GPR180: variants seen among roughly 807,000 people sequenced by gnomAD.
GPR180 encodes G protein-coupled receptor 180, also known as integral membrane protein GPR180.
GPR180 carries 53 observed loss-of-function variants against 52.6 expected under a neutral mutation model. The observed-to-expected ratio is 1.01, with a 90% confidence interval of 0.81 to 1.27. The LOEUF (loss-of-function observed/expected upper bound fraction) is 1.27. Among genes scored for constraint, GPR180 ranks in the 50% most tolerant of loss-of-function variants. The pLI is 0.00. For missense variants in GPR180, 533 were observed against 527.0 expected, an observed-to-expected ratio of 1.01 and a Z score of -0.11; for synonymous variants, 200 against 193.1, an observed-to-expected ratio of 1.04 and a Z score of -0.30.
chr13:94,627,013 G>T lies in GPR180; in HGVS notation c.1165G>T (p.Val389Phe). Reference sequence around the variant, plus strand: ...AGCATTCCTTTCCTTTTCTTTTCAGGTTATTACAATAGGTGTTATCCTTTG... The same window carrying T: ...AGCATTCCTTTCCTTTTCTTTTCAGTTTATTACAATAGGTGTTATCCTTTG... ...VIFSDYQRDK[V>F]ITIGVILCQS... The change falls in exon 9 of 9, where the codon GTT becomes TTT. Residue 389 changes from valine to phenylalanine, a missense_variant and splice_region_variant. Val to Phe is a conservative substitution (Grantham distance 50). Coordinates refer to ENST00000376958, the MANE Select transcript of GPR180 (RefSeq NM_180989.6). 6.3e-7 allele frequency: 1 copy of T among 1,580,624 alleles called. No homozygotes were observed.
intron 3 of GPR180, among the ~76,000 whole-genome samples, chr13:94,615,648 G>A (rs1889767697): frequency 6.6e-6 from 1 of 152,146 alleles, no homozygotes; most frequent in Admixed American, 6.5e-5. Flanking sequence ...TAGAATCCTT[G>A]TTAACTGTAT....
intron 5 of GPR180, 22 bp from the exon 6 acceptor site, chr13:94,621,056 G>A (rs377151112): frequency 1.5e-5 from 24 of 1,579,600 alleles, no homozygotes; most frequent in Middle Eastern, 1.8e-4. Context: ...CTTGGTTGAC[G>A]TTGGTTTTCA....
chr13:94,615,677 C>T (rs1005808214), intron 3 of GPR180, among the ~76,000 whole-genome samples: 1 of 152,146 alleles, frequency 6.6e-6, no homozygotes, highest in African/African-American at 2.4e-5. Flanking sequence ...TAATTAGAGA[C>T]CAAGAAGTAC....
chr13:94,608,692 A>G (rs1889664520), intron 2 of GPR180, among the ~76,000 whole-genome samples: 2 of 152,190 alleles, frequency 1.3e-5, no homozygotes, highest in Admixed American at 1.3e-4. Flanking sequence ...CACATATTTA[A>G]GAATAGTTCC....
At position 94,614,224 on chromosome 13, in the gene GPR180, G is replaced by T. The variant is rs375318221; in HGVS notation, c.505+1834G>T. On this transcript the variant is annotated intron_variant, in intron 3 of 8. Transcript: ENST00000376958. ...TATTTCATATGACCCTTATTTTTAGGACTGGTCAAGGCTCACTAGGAAGTA... is the reference window on the plus strand; with the variant it reads ...TATTTCATATGACCCTTATTTTTAGTACTGGTCAAGGCTCACTAGGAAGTA... Among the ~76,000 whole-genome samples the T allele has an allele frequency of 9.9e-5, 15 of 152,252 alleles. No homozygotes were observed. In the South Asian group the frequency reaches 2.9e-3, roughly 29 times the overall value.
intron 3 of GPR180, among the ~76,000 whole-genome samples, chr13:94,617,573 A>T (rs1318740714): frequency 1.3e-5 from 2 of 152,238 alleles, no homozygotes; most frequent in Non-Finnish European, 2.9e-5. Flanking sequence ...ATAGAGCAGG[A>T]GAGACACCCA....
At chr13:94,613,380 G>A (rs552042240) in intron 3 of GPR180, among the ~76,000 whole-genome samples, 180 of 152,270 alleles carry the variant, frequency 1.2e-3, no homozygotes, top group African/African-American at 4.3e-3. Context: ...AATGTTTTAA[G>A]GGATAAACTT....
At chr13:94,624,702 C>T (rs1011034799) in intron 7 of GPR180, among the ~76,000 whole-genome samples, 1 of 152,074 alleles carries the variant, frequency 6.6e-6, no homozygotes, top group African/African-American at 2.4e-5. Context: ...GCGCCCACGC[C>T]CGGCTAAGTT....
chr13:94,617,332 C>G (rs1051763128), intron 3 of GPR180, among the ~76,000 whole-genome samples: 2 of 152,082 alleles, frequency 1.3e-5, no homozygotes, highest in Non-Finnish European at 2.9e-5. Flanking sequence ...CACAGGATAG[C>G]ATAAGGAACT....
At chr13:94,619,410 G>C in intron 4 of GPR180, 58 bp from the exon 5 acceptor site, 1 of 1,601,350 alleles carries the variant, frequency 6.2e-7, no homozygotes, top group Non-Finnish European at 8.5e-7. Context: ...TGCTTGCTTT[G>C]ATTATAAACA....
In GPR180 at chr13:94,629,468, C is replaced by T. The variant is rs1215221398; in HGVS notation, c.*2297C>T. The T allele has an allele frequency of 1.3e-5, 2 of 151,888 alleles. No individual in the cohort carries two copies. Among genetic ancestry groups the T allele is most frequent in the African/African-American group, 4.8e-5 (2 of 41,332 alleles). 9.4% of individuals were successfully genotyped at this position (151,888 alleles called of 1,614,324 possible). On this transcript the variant is annotated 3_prime_UTR_variant, in exon 9 of 9. Transcript: ENST00000376958. ...TGATGCATTTTACCAGGCATTTTAC[C>T]TTCATTATTACTCATCTCTATTGTG...
At position 94,601,936 on chromosome 13, in the gene GPR180, G is replaced by A. The variant is rs961691083; in HGVS notation, c.9G>A (p.Gly3=). 4 of 1,493,642 alleles carry A rather than the reference G, an allele frequency of 2.7e-6. No homozygotes were observed. The highest frequency in any genetic ancestry group is 1.4e-5 in the African/African-American group (1 of 69,204). 92.5% of individuals were successfully genotyped at this position (1,493,642 alleles called of 1,614,324 possible). Reference sequence around the variant, plus strand: ...CAGACCTGGAGACGGGCATGGGGGGGCTGCGGCTGCTGGCTGTGGCCCTCA... The same window carrying A: ...CAGACCTGGAGACGGGCATGGGGGGACTGCGGCTGCTGGCTGTGGCCCTCA... MG[G]LRLLAVALTC... Residue 3 remains glycine, a synonymous_variant, in exon 1 of 9, where the codon GGG becomes GGA. Transcript: ENST00000376958.
At chr13:94,614,371 A>C (rs1889750524) in intron 3 of GPR180, among the ~76,000 whole-genome samples, 1 of 152,142 alleles carries the variant, frequency 6.6e-6, no homozygotes, top group African/African-American at 2.4e-5. Flanking sequence ...GGTTTTATGT[A>C]TTGAGTAGAT....
intron 3 of GPR180, among the ~76,000 whole-genome samples, chr13:94,612,742 A>G (rs1178217610): frequency 6.6e-6 from 1 of 152,224 alleles, no homozygotes; most frequent in African/African-American, 2.4e-5. Context: ...TATACATTCT[A>G]AACATTTTTG....
chr13:94,623,012 T>C (rs1889871368), intron 6 of GPR180, 97 bp from the exon 7 acceptor site: 2 of 819,974 alleles, frequency 2.4e-6, no homozygotes, highest in Non-Finnish European at 3.9e-6. Flanking sequence ...GGAATGTTTA[T>C]ATAACATTTA....
In GPR180 at chr13:94,629,115, A is replaced by C. The variant is rs1472096212; in HGVS notation, c.*1944A>C. 2 of 152,112 alleles carry C rather than the reference A, an allele frequency of 1.3e-5. No homozygotes were observed. Among genetic ancestry groups the C allele is most frequent in the African/African-American group, 2.4e-5 (1 of 41,440 alleles). The allele number at this position is 152,112 out of a possible 1,614,324, so 9.4% of individuals were successfully genotyped here. A position where few individuals can be genotyped will look rare whatever the true frequency, so the allele number is the denominator to read the frequency against. On this transcript the variant is annotated 3_prime_UTR_variant, in exon 9 of 9. Coordinates refer to ENST00000376958, the MANE Select transcript of GPR180 (RefSeq NM_180989.6). ...AAGTGGAGGAAAGTAGTTGTTAATAAATGTATAAAACTGTTCTTGACTAGT... is the reference window on the plus strand; with the variant it reads ...AAGTGGAGGAAAGTAGTTGTTAATACATGTATAAAACTGTTCTTGACTAGT...
At chr13:94,618,420 A>ATGTTTTTTTTTTTTTTTT (rs1708605808) in intron 3 of GPR180, among the ~76,000 whole-genome samples, 4 of 87,154 alleles carry the variant, frequency 4.6e-5, no homozygotes, top group African/African-American at 6.3e-5. Context: ...TCAGCACAGG[A>ATGTTTTTTTTTTTTTTTT]TTTTTTTTTT....
At chr13:94,621,024 T>A (rs1889844923) in intron 5 of GPR180, 54 bp from the exon 6 acceptor site, 3 of 1,508,656 alleles carry the variant, frequency 2.0e-6, no homozygotes, top group Non-Finnish European at 2.7e-6. Context: ...CAAAAAGCAC[T>A]AAATTTTTTA....
Position 94,621,158 on chromosome 13 carries a change from A to G in GPR180, c.817A>G (p.Lys273Glu). 1 of 1,612,680 alleles carries G rather than the reference A, an allele frequency of 6.2e-7. No individual in the cohort carries two copies. Residue 273 changes from lysine to glutamate, a missense_variant, in exon 6 of 9, where the codon AAG becomes GAG. Lys to Glu is a moderately conservative substitution (Grantham distance 56). Coordinates refer to ENST00000376958, the MANE Select transcript of GPR180 (RefSeq NM_180989.6). ...GGGTTGGACAATAGTCAGAATGAAGAAGTCTCAAAGCAGACCTCTCCAGTG... is the reference window on the plus strand; with the variant it reads ...GGGTTGGACAATAGTCAGAATGAAGGAGTCTCAAAGCAGACCTCTCCAGTG... ...CMGWTIVRMK[K>E]SQSRPLQWDS...
Sources: allele counts gnomAD v4.1 joint callset (sites outside exome capture counted in the v4.1 genomes callset), GRCh38; gene constraint gnomAD v4.1.1; transcripts MANE v1.5; gene names NCBI Gene and HGNC (gene_info 2026-07-23, HGNC 2026-07-21).